Variants in CTNNA2 observed in about 807,000 individuals in gnomAD.
The protein encoded by CTNNA2 is catenin alpha-2.
In CTNNA2, 42 loss-of-function variants were observed where a neutral mutation model predicts 101.0. That is an observed-to-expected ratio of 0.42 (90% CI 0.32 to 0.54). The LOEUF (loss-of-function observed/expected upper bound fraction) is 0.54. Among genes scored for constraint, CTNNA2 ranks in the 20% least tolerant of loss-of-function variants. The probability of loss-of-function intolerance (pLI) is 0.14; values close to 1 mark genes in which losing one functional copy is unlikely to be tolerated. For missense variants in CTNNA2, 871 were observed against 1,223.1 expected, an observed-to-expected ratio of 0.71 and a Z score of 4.29; for synonymous variants, 450 against 456.4, an observed-to-expected ratio of 0.99 and a Z score of 0.18.
At chr2:79,231,950 CCTTTGGGTGGTAT>C (rs1437438418) in intron 2 of CTNNA2, among the ~76,000 whole-genome samples, 1 of 151,880 alleles carries the variant, frequency 6.6e-6, no homozygotes, top group African/African-American at 2.4e-5. Context: ...GTTCCAGGAG[CCTTTGGGTGGTAT>C]CTTTGGAGTT....
chr2:79,712,956 G>C (rs1436071377), intron 2 of CTNNA2, among the ~76,000 whole-genome samples: 1 of 152,170 alleles, frequency 6.6e-6, no homozygotes, highest in Non-Finnish European at 1.5e-5. Flanking sequence ...GGATTGGTAT[G>C]CCTAATTAAG....
At chr2:80,264,977 G>GT (rs34918157) in intron 7 of CTNNA2, among the ~76,000 whole-genome samples, 188 of 139,368 alleles carry the variant, frequency 1.3e-3, no homozygotes, top group South Asian at 7.4e-3. Context: ...GGGAAGAGGT[G>GT]TTTTTTTTTT....
intron 2 of CTNNA2, among the ~76,000 whole-genome samples, chr2:79,652,367 G>T (rs2104480802): frequency 6.6e-6 from 1 of 151,996 alleles, no homozygotes; most frequent in East Asian, 1.9e-4. Flanking sequence ...AAATATCCTA[G>T]TCAAGGTATT....
intron 11 of CTNNA2, among the ~76,000 whole-genome samples, chr2:80,551,793 G>T (rs1336984681): frequency 6.6e-6 from 1 of 152,126 alleles, no homozygotes; most frequent in Non-Finnish European, 1.5e-5. Context: ...TTTCTTATCT[G>T]GGTGTTCATT....
intron 3 of CTNNA2, among the ~76,000 whole-genome samples, chr2:79,785,097 C>T (rs1478891990): frequency 2.6e-5 from 4 of 152,140 alleles, no homozygotes. Context: ...CTGGGGATGG[C>T]CTCCTATTTG....
chr2:79,774,737 C>G (rs570613960), intron 3 of CTNNA2, among the ~76,000 whole-genome samples: 1 of 152,138 alleles, frequency 6.6e-6, no homozygotes, highest in East Asian at 1.9e-4. Flanking sequence ...TTGAAATGAG[C>G]CCCCAAAAGC....
chr2:80,368,860 T>C (rs1253343647), intron 7 of CTNNA2, among the ~76,000 whole-genome samples: 1 of 133,872 alleles, frequency 7.5e-6, no homozygotes, highest in South Asian at 2.3e-4. Context: ...TGTGTGTGTG[T>C]GTGTGTGTAT....
At chr2:79,340,626 G>C (rs1247974168) in intron 3 of CTNNA2, among the ~76,000 whole-genome samples, 1 of 152,060 alleles carries the variant, frequency 6.6e-6, no homozygotes, top group Non-Finnish European at 1.5e-5. Context: ...GAGGTCAGGA[G>C]ATAGAGACCG....
At chr2:80,330,846 G>C (rs1040762451) in intron 7 of CTNNA2, among the ~76,000 whole-genome samples, 13 of 152,076 alleles carry the variant, frequency 8.5e-5, no homozygotes, top group African/African-American at 2.9e-4. Context: ...TGAGTTTAGA[G>C]GAATGGATGT....
At chr2:79,315,700 T>C (rs1281110719) in intron 3 of CTNNA2, among the ~76,000 whole-genome samples, 1 of 152,172 alleles carries the variant, frequency 6.6e-6, no homozygotes, top group Non-Finnish European at 1.5e-5. Context: ...CTACTATGGA[T>C]AGTGCTACTA....
At chr2:80,136,219 T>G (rs921851837) in intron 7 of CTNNA2, among the ~76,000 whole-genome samples, 9 of 152,120 alleles carry the variant, frequency 5.9e-5, no homozygotes, top group African/African-American at 2.2e-4. Flanking sequence ...TGCATAGGCC[T>G]GCGGAGGAGG....
At chr2:79,908,935 C>T (rs532405570) in intron 6 of CTNNA2, among the ~76,000 whole-genome samples, 153 of 152,288 alleles carry the variant, frequency 1.0e-3, no homozygotes, top group African/African-American at 3.4e-3. Context: ...GTGACGCCTT[C>T]CTTTTAGGAA....
At chr2:79,588,966 G>T (rs1014428836) in intron 1 of CTNNA2, among the ~76,000 whole-genome samples, 2 of 152,182 alleles carry the variant, frequency 1.3e-5, no homozygotes, top group African/African-American at 4.8e-5. Flanking sequence ...CTCTCATAAG[G>T]CATTTGGAGG....
chr2:79,288,623 T>G (rs146469290), intron 2 of CTNNA2, among the ~76,000 whole-genome samples: 131 of 152,288 alleles, frequency 8.6e-4, no homozygotes, highest in African/African-American at 3.0e-3. Context: ...CTCCACATGG[T>G]CTTTCCATGT....
At chr2:79,401,097 TAGGGCTAATATGAA>T (rs1252917332) in intron 4 of CTNNA2, among the ~76,000 whole-genome samples, 2 of 151,756 alleles carry the variant, frequency 1.3e-5, no homozygotes, top group African/African-American at 4.8e-5. Flanking sequence ...AGGAGATCCC[TAGGGCTAATATGAA>T]AGGTCACTAA....
chr2:80,304,211 A>C, intron 7 of CTNNA2: 5 of 162,744 alleles, frequency 3.1e-5, no homozygotes, highest in Non-Finnish European at 2.7e-5. Flanking sequence ...GGCTAATTAT[A>C]TGCAGGGCGA....
chr2:80,073,203 G>C (rs910777734), intron 7 of CTNNA2, among the ~76,000 whole-genome samples: 5 of 152,154 alleles, frequency 3.3e-5, no homozygotes, highest in African/African-American at 1.2e-4. Context: ...GAGTTCAAAG[G>C]ATTTGGGGAC....
intron 2 of CTNNA2, among the ~76,000 whole-genome samples, chr2:79,664,398 CT>C (rs1682249221): frequency 6.6e-6 from 1 of 152,160 alleles, no homozygotes; most frequent in African/African-American, 2.4e-5. Context: ...TATGAACTTT[CT>C]GTTATTCCAA....
intron 2 of CTNNA2, among the ~76,000 whole-genome samples, chr2:79,253,942 A>G (rs1347862593): frequency 6.6e-6 from 1 of 152,134 alleles, no homozygotes; most frequent in Non-Finnish European, 1.5e-5. Context: ...CCTTTGGGAG[A>G]ATGACTGGGA....
Sources: allele counts gnomAD v4.1 joint callset (sites outside exome capture counted in the v4.1 genomes callset), GRCh38; gene constraint gnomAD v4.1.1; transcripts MANE v1.5; gene names NCBI Gene and HGNC (gene_info 2026-07-23, HGNC 2026-07-21).